AKAP6: variants seen among roughly 807,000 people sequenced by gnomAD.
The protein encoded by AKAP6 is A-kinase anchor protein 6.
A neutral mutation model predicts 188.5 loss-of-function variants in AKAP6; 58 were observed. The ratio of observed to expected loss-of-function variants is 0.31; its 90% CI spans 0.25 to 0.38. The LOEUF is 0.38. Ranked by LOEUF, AKAP6 falls within the 10% of genes least tolerant of loss-of-function variation. The probability of loss-of-function intolerance (pLI) is 1.00; values close to 1 mark genes in which losing one functional copy is unlikely to be tolerated. For synonymous variants in AKAP6, 989 were observed against 998.6 expected, an observed-to-expected ratio of 0.99 and a Z score of 0.18; for missense variants, 2,710 against 2,740.0, an observed-to-expected ratio of 0.99 and a Z score of 0.24.
rs1160078502 is a variant in AKAP6, at chr14:32,824,053, G to A, written c.6240G>A (p.Glu2080=). The A allele has an allele frequency of 1.2e-6, 2 of 1,613,910 alleles. No individual in the cohort carries two copies. The highest frequency in any genetic ancestry group is 3.3e-5 in the Admixed American group (2 of 59,934). The change falls in exon 13 of 14, where the codon GAG becomes GAA. Residue 2080 remains glutamate, a synonymous_variant. Coordinates refer to ENST00000280979, the MANE Select transcript of AKAP6 (RefSeq NM_004274.5). ...ALKSKSQPEN[E]VAAPTSLTQI... ...AAAGTAAATCTCAACCTGAAAACGAGGTGGCTGCTCCTACTTCATTAACTC... is the reference window on the plus strand; with the variant it reads ...AAAGTAAATCTCAACCTGAAAACGAAGTGGCTGCTCCTACTTCATTAACTC...
chr14:32,822,839 A>T lies in AKAP6; in HGVS notation c.5026A>T (p.Ile1676Leu), dbSNP rs973296297. Residue 1676 changes from isoleucine (I) to leucine (L), a missense_variant, in exon 13 of 14, where the codon ATA (isoleucine) becomes TTA (leucine). Ile to Leu is a conservative substitution (Grantham distance 5). This residue lies in a region of AKAP6 where 2,473 missense variants were observed against 2,426.1 expected (regional missense o/e 1.02). Transcript: ENST00000280979. ...CTTTACTGGCCAGATGTCATTGGACATAGCATCTTCTATCAATGAAGACTC... is the reference window on the plus strand; with the variant it reads ...CTTTACTGGCCAGATGTCATTGGACTTAGCATCTTCTATCAATGAAGACTC... ...MSFTGQMSLD[I>L]ASSINEDSAA... 1 of 1,614,010 alleles carries T rather than the reference A, an allele frequency of 6.2e-7. No homozygotes were observed. Among genetic ancestry groups the T allele is most frequent in the Non-Finnish European group, 8.5e-7 (1 of 1,179,926 alleles).
At chr14:32,494,313 A>T (rs1309776873) in intron 2 of AKAP6, 1 of 152,140 alleles carries the variant, frequency 6.6e-6, no homozygotes, top group African/African-American at 2.4e-5. Flanking sequence ...AGATTTGTGA[A>T]TTTATCCTGT....
At chr14:32,737,502 C>T (rs953676273) in intron 11 of AKAP6, among the ~76,000 whole-genome samples, 3 of 152,078 alleles carry the variant, frequency 2.0e-5, no homozygotes, top group Non-Finnish European at 4.4e-5. Context: ...CAATTTTTTA[C>T]TTGCCATAAA....
intron 9 of AKAP6, among the ~76,000 whole-genome samples, chr14:32,728,501 A>G (rs991552815): frequency 1.3e-5 from 2 of 152,048 alleles, no homozygotes; most frequent in Non-Finnish European, 2.9e-5. Flanking sequence ...CAATCCTGTC[A>G]TTCTAATAAC....
At chr14:32,580,607 G>T (rs1884918618) in intron 5 of AKAP6, among the ~76,000 whole-genome samples, 1 of 151,980 alleles carries the variant, frequency 6.6e-6, no homozygotes. Context: ...CAACGTGCAG[G>T]TTAGTTACCT....
intron 10 of AKAP6, chr14:32,734,588 G>T (rs1269582346): frequency 6.6e-6 from 1 of 152,088 alleles, no homozygotes; most frequent in Non-Finnish European, 1.5e-5. Flanking sequence ...CAAAAAAGTG[G>T]CAATAAATTC....
chr14:32,350,095 C>G (rs1366876805), intron 1 of AKAP6, among the ~76,000 whole-genome samples: 1 of 152,092 alleles, frequency 6.6e-6, no homozygotes, highest in Non-Finnish European at 1.5e-5. Flanking sequence ...TAAATACTCC[C>G]ATTTCTAGGA....
chr14:32,566,542 G>A (rs1157446442), intron 4 of AKAP6, among the ~76,000 whole-genome samples: 1 of 152,084 alleles, frequency 6.6e-6, no homozygotes, highest in Non-Finnish European at 1.5e-5. Flanking sequence ...TTATGTGTAT[G>A]TGAGTCCCAA....
chr14:32,568,865 C>T lies in AKAP6; in HGVS notation c.2347-8255C>T, dbSNP rs962712180. ...ACCTATTGTTTGTTCCAGTTTATTC[C>T]CATTTTTTTATTTGTACCTATTTTT... On this transcript the variant is annotated intron_variant, in intron 4 of 13. Coordinates refer to ENST00000280979, the MANE Select transcript of AKAP6 (RefSeq NM_004274.5). This position sits in a 1 kb window ranked among gnomAD's most constrained non-coding sequence, Gnocchi z 6.2. 5.3e-5 allele frequency among the ~76,000 whole-genome samples: 8 copies of T among 152,066 alleles called. No individual in the cohort carries two copies. Among genetic ancestry groups the T allele is most frequent in the African/African-American group, 1.9e-4 (8 of 41,406 alleles).
chr14:32,822,585 A>T lies in AKAP6; in HGVS notation c.4772A>T (p.Gln1591Leu), dbSNP rs778892774. ...TTTAAAAATGGCAGTGACAGCCTCC[A>T]GCGAAGCACTTCTTTAGAAAGTTGG... ...GIFKNGSDSL[Q>L]RSTSLESWLT... The change falls in exon 13 of 14, where the codon CAG becomes CTG. Residue 1591 changes from glutamine (Q) to leucine (L), a missense_variant. By Grantham distance (113) the Gln-to-Leu change is moderately radical. Transcript: ENST00000280979. 1.2e-6 allele frequency: 2 copies of T among 1,614,002 alleles called. No homozygotes were observed. The highest frequency in any genetic ancestry group is 2.2e-5 in the South Asian group (2 of 91,076).
At chr14:32,763,082 C>T (rs1489599536) in intron 11 of AKAP6, among the ~76,000 whole-genome samples, 2 of 152,108 alleles carry the variant, frequency 1.3e-5, no homozygotes, top group Admixed American at 6.5e-5. Flanking sequence ...TATTTTGGCA[C>T]ACTACCCAAC....
chr14:32,585,237 A>G (rs531655387), intron 5 of AKAP6, among the ~76,000 whole-genome samples: 22 of 152,316 alleles, frequency 1.4e-4, no homozygotes, highest in African/African-American at 3.4e-4. Context: ...CGCTTCTTTT[A>G]TCTGCAGCCA....
chr14:32,822,631 T>A lies in AKAP6; in HGVS notation c.4818T>A (p.Asn1606Lys). 6.2e-7 allele frequency: 1 copy of A among 1,614,010 alleles called. No individual in the cohort carries two copies. The change falls in exon 13 of 14, where the codon AAT becomes AAA. Residue 1606 changes from asparagine (N) to lysine (K), a missense_variant. By Grantham distance (94) the Asn-to-Lys change is moderately conservative. This residue lies in a region of AKAP6 where 2,473 missense variants were observed against 2,426.1 expected (regional missense o/e 1.02). Coordinates refer to ENST00000280979, the MANE Select transcript of AKAP6 (RefSeq NM_004274.5). ...LESWLTSYKS[N>K]EDLFSCHSSG... ...GTTGGTTGACTTCCTATAAAAGCAATGAAGATCTCTTTAGCTGTCACAGCT... is the reference window on the plus strand; with the variant it reads ...GTTGGTTGACTTCCTATAAAAGCAAAGAAGATCTCTTTAGCTGTCACAGCT...
intron 4 of AKAP6, among the ~76,000 whole-genome samples, chr14:32,548,914 GT>G (rs1001968616): frequency 6.6e-6 from 1 of 151,694 alleles, no homozygotes; most frequent in South Asian, 2.1e-4. Context: ...TCTGTTTTTT[GT>G]TTTTTTTACA....
intron 1 of AKAP6, among the ~76,000 whole-genome samples, chr14:32,335,087 A>C (rs1423195244): frequency 1.3e-5 from 2 of 152,090 alleles, no homozygotes; most frequent in Non-Finnish European, 2.9e-5. Flanking sequence ...AGTGGTTAGG[A>C]CTGCAGGTGC....
At position 32,484,842 on chromosome 14, in the gene AKAP6, T is replaced by A. The variant is rs1879589240; in HGVS notation, c.325-50712T>A. 4 of 220,224 alleles carry A rather than the reference T, an allele frequency of 1.8e-5. 2 individuals are homozygous for A. Among genetic ancestry groups the A allele is most frequent in the Non-Finnish European group, 1.3e-5 (2 of 151,098 alleles). 13.6% of individuals were successfully genotyped at this position (220,224 alleles called of 1,614,324 possible). The stretch of plus-strand genomic sequence containing the variant: ...AATGGCTGAGTGAAGCATTGGACTG[T>A]AAATCTAAAGACAGGGGCTAAGCCT... On this transcript the variant is annotated intron_variant, in intron 2 of 13. Transcript: ENST00000280979.
rs200684416 is a variant in AKAP6, at chr14:32,823,889, G to A, written c.6076G>A (p.Gly2026Arg). 41 of 1,613,806 alleles carry A rather than the reference G, an allele frequency of 2.5e-5. No homozygotes were observed. The East Asian group carries it at 3.3e-4, about 13-fold the overall frequency. ...AGCCLALEQN[G>R]TEENASISNI... Reference sequence around the variant, plus strand: ...TTGTTGCCTAGCACTTGAACAAAACGGAACAGAGGAAAATGCTTCTATCAG... The same window carrying A: ...TTGTTGCCTAGCACTTGAACAAAACAGAACAGAGGAAAATGCTTCTATCAG... The change falls in exon 13 of 14, where the codon GGA becomes AGA. Residue 2026 changes from glycine to arginine, a missense_variant. Physicochemically the swap from Gly to Arg is moderately radical, Grantham distance 125. Around this residue, in one of 2 missense-constraint regions of AKAP6, gnomAD observed 2,473 missense variants for 2,426.1 expected, o/e 1.02. Transcript: ENST00000280979.
chr14:32,704,706 T>G (rs1594865060), intron 9 of AKAP6, among the ~76,000 whole-genome samples: 1 of 152,088 alleles, frequency 6.6e-6, no homozygotes, highest in African/African-American at 2.4e-5. Flanking sequence ...GTATCAAAAT[T>G]TAAAGATGAA....
chr14:32,392,633 G>A (rs1888749044), intron 1 of AKAP6, among the ~76,000 whole-genome samples: 1 of 152,096 alleles, frequency 6.6e-6, no homozygotes, highest in Admixed American at 6.6e-5. Context: ...CCAGGACTGA[G>A]GCTGAGAAAG....
Sources: allele counts gnomAD v4.1 joint callset (sites outside exome capture counted in the v4.1 genomes callset), GRCh38; gene constraint gnomAD v4.1.1; regional missense constraint gnomAD v4.1.1; non-coding constraint Gnocchi (gnomAD v3.1); transcripts MANE v1.5; gene names NCBI Gene and HGNC (gene_info 2026-07-23, HGNC 2026-07-21).